The following PCDHGB3 variants were observed in gnomAD, a reference collection of about 807,000 sequenced individuals.
The protein encoded by PCDHGB3 is protocadherin gamma-B3.
In PCDHGB3, 40 loss-of-function variants were observed where a neutral mutation model predicts 59.2. The observed-to-expected ratio is 0.68, with a 90% CI of 0.52 to 0.88. PCDHGB3 has a LOEUF of 0.88. Ranked by LOEUF, PCDHGB3 falls within the 40% of genes least tolerant of loss-of-function variation. The pLI, the probability that PCDHGB3 is intolerant of heterozygous loss-of-function variation, is 0.00. For missense variants in PCDHGB3, 1,309 were observed against 1,187.9 expected, an observed-to-expected ratio of 1.10 and a Z score of -1.50; for synonymous variants, 581 against 503.6, an observed-to-expected ratio of 1.15 and a Z score of -2.06.
chr5:141,427,810 G>A (rs2097074260), intron 1 of PCDHGB3: 1 of 1,523,990 alleles, frequency 6.6e-7, no homozygotes, highest in Non-Finnish European at 9.0e-7. Flanking sequence ...AGCGCACAGA[G>A]CGGGGTGGTG....
chr5:141,489,427 C>G lies in PCDHGB3; in HGVS notation c.2416-5380C>G, dbSNP rs370540900. ...AAAGATGACAGATCTGTTGAGCCGG[C>G]GGCTGCAATTGGGCTCTGAGGAGAA... On this transcript the variant is annotated intron_variant, in intron 1 of 3. Transcript: ENST00000576222. The surrounding 1 kb of genome is among the most constrained non-coding windows in gnomAD (Gnocchi z 4.5). 6.2e-7 allele frequency: 1 copy of G among 1,614,108 alleles called. No homozygotes were observed. Among genetic ancestry groups the G allele is most frequent in the South Asian group, 1.1e-5 (1 of 91,086 alleles).
At position 141,389,005 on chromosome 5, in the gene PCDHGB3, C is replaced by T. The variant is rs757594459; in HGVS notation, c.2415+16196C>T. 81 of 1,613,780 alleles carry T rather than the reference C, an allele frequency of 5.0e-5. No individual in the cohort carries two copies. Among genetic ancestry groups the T allele is most frequent in the Non-Finnish European group, 6.7e-5 (79 of 1,179,858 alleles). On this transcript the variant is annotated intron_variant, in intron 1 of 3. Transcript: ENST00000576222. The stretch of plus-strand genomic sequence containing the variant: ...TTGCTCAAAGTCCGTGACAAGGATT[C>T]CAGACACAATGGAGAAGTGACTTGT...
chr5:141,432,642 C>T lies in PCDHGB3; in HGVS notation c.2415+59833C>T, dbSNP rs746251093. 7.4e-6 allele frequency: 12 copies of T among 1,613,784 alleles called. No individual in the cohort carries two copies. The highest frequency in any genetic ancestry group is 2.7e-5 in the African/African-American group (2 of 75,056). ...GGTCTGCACACGGGCGAGGTGCGCA[C>T]GGCGCGAGCCCTGCTGGACAGAGAC... On this transcript the variant is annotated intron_variant, in intron 1 of 3. Coordinates refer to ENST00000576222, the MANE Select transcript of PCDHGB3 (RefSeq NM_018924.5). This position sits in a 1 kb window ranked among gnomAD's most constrained non-coding sequence, Gnocchi z 6.0.
Position 141,372,061 on chromosome 5 carries a change from A to C in PCDHGB3, c.1667A>C (p.Asn556Thr). 2 of 1,613,572 alleles carry C rather than the reference A, an allele frequency of 1.2e-6. No individual in the cohort carries two copies. The highest frequency in any genetic ancestry group is 1.7e-6 in the Non-Finnish European group (2 of 1,179,808). ...CTGCGCGTGTTGGTGGACGACCGCA[A>C]CGACAATGCACCGCTGGTGCTGTAC... is the stretch of plus-strand genomic sequence containing the variant. ...VSLRVLVDDRNDNAPLVLYPA... is the reference protein window; with the variant it reads ...VSLRVLVDDRTDNAPLVLYPA... Residue 556 changes from asparagine to threonine, a missense_variant, in exon 1 of 4, where the codon AAC becomes ACC. Physicochemically the swap from Asn to Thr is moderately conservative, Grantham distance 65. Transcript: ENST00000576222.
intron 2 of PCDHGB3, among the ~76,000 whole-genome samples, chr5:141,495,700 T>A (rs2099763052): frequency 6.6e-6 from 1 of 152,228 alleles, no homozygotes; most frequent in Non-Finnish European, 1.5e-5. Flanking sequence ...GCTCAATAAA[T>A]GTGGAGTGAG....
At chr5:141,480,205 A>G (rs2099514310) in intron 1 of PCDHGB3, among the ~76,000 whole-genome samples, 1 of 151,108 alleles carries the variant, frequency 6.6e-6, no homozygotes, top group Admixed American at 6.6e-5. Flanking sequence ...GCAGTTCAAG[A>G]CCAGCCTGAG....
chr5:141,431,884 T>A lies in PCDHGB3; in HGVS notation c.2415+59075T>A. ...CCCTTTTAAATGTAAATGACCAAGA[T>A]TCTGAGGAAAACGGACAGGTGATCT... On this transcript the variant is annotated intron_variant, in intron 1 of 3. Transcript: ENST00000576222. This position sits in a 1 kb window ranked among gnomAD's most constrained non-coding sequence, Gnocchi z 4.8. 1.2e-6 allele frequency: 2 copies of A among 1,614,218 alleles called. No individual in the cohort carries two copies. Among genetic ancestry groups the A allele is most frequent in the Non-Finnish European group, 1.7e-6 (2 of 1,180,008 alleles).
intron 3 of PCDHGB3, among the ~76,000 whole-genome samples, chr5:141,510,691 T>C (rs1013489554): frequency 4.6e-5 from 7 of 152,138 alleles, no homozygotes; most frequent in African/African-American, 1.7e-4. Flanking sequence ...GGAGGTTAGG[T>C]AGACTTGCCC....
intron 1 of PCDHGB3, chr5:141,389,566 T>G: frequency 6.2e-7 from 1 of 1,613,278 alleles, no homozygotes; most frequent in Non-Finnish European, 8.5e-7. Context: ...CCACGGGTGC[T>G]GTACCCCGCG....
chr5:141,489,913 A>G lies in PCDHGB3; in HGVS notation c.2416-4894A>G. 1 of 1,614,208 alleles carries G rather than the reference A, an allele frequency of 6.2e-7. No homozygotes were observed. Among genetic ancestry groups the G allele is most frequent in the Non-Finnish European group, 8.5e-7 (1 of 1,180,044 alleles). Reference sequence around the variant, plus strand: ...TGGGGGGACCCCAGCCCGCTCAGGGACCACCCTTATCTCTGTCATCGTGCT... The same window carrying G: ...TGGGGGGACCCCAGCCCGCTCAGGGGCCACCCTTATCTCTGTCATCGTGCT... On this transcript the variant is annotated intron_variant, in intron 1 of 3. Transcript: ENST00000576222. The surrounding 1 kb of genome is among the most constrained non-coding windows in gnomAD (Gnocchi z 4.5).
rs901230493 is a variant in PCDHGB3, at chr5:141,487,514, C to T, written c.2416-7293C>T. 7 of 1,614,150 alleles carry T rather than the reference C, an allele frequency of 4.3e-6. No homozygotes were observed. The highest frequency in any genetic ancestry group is 1.1e-5 in the South Asian group (1 of 91,070). On this transcript the variant is annotated intron_variant, in intron 1 of 3. Transcript: ENST00000576222. The surrounding 1 kb of genome is among the most constrained non-coding windows in gnomAD (Gnocchi z 5.0). Reference sequence around the variant, plus strand: ...TACACCCTTGGCTTCTGCACCCACTCGGAGTGATAGCTTCATGATGGTGAA... The same window carrying T: ...TACACCCTTGGCTTCTGCACCCACTTGGAGTGATAGCTTCATGATGGTGAA...
chr5:141,371,866 T>A lies in PCDHGB3; in HGVS notation c.1472T>A (p.Ile491Asn), dbSNP rs1768128471. ...LGPNGLVSYY[I>N]VASDLEPREL... Reference sequence around the variant, plus strand: ...CCTAATGGCCTTGTCTCCTACTACATCGTGGCCAGTGACCTGGAGCCGCGG... The same window carrying A: ...CCTAATGGCCTTGTCTCCTACTACAACGTGGCCAGTGACCTGGAGCCGCGG... Residue 491 changes from isoleucine (I) to asparagine (N), a missense_variant, in exon 1 of 4, where the codon ATC becomes AAC. Transcript: ENST00000576222. 1 of 1,613,504 alleles carries A rather than the reference T, an allele frequency of 6.2e-7. No homozygotes were observed. Among genetic ancestry groups the A allele is most frequent in the Non-Finnish European group, 8.5e-7 (1 of 1,179,892 alleles).
chr5:141,450,842 T>TTTTTA, intron 1 of PCDHGB3, among the ~76,000 whole-genome samples: 1 of 148,196 alleles, frequency 6.7e-6, no homozygotes, highest in African/African-American at 2.5e-5. Context: ...TTTTTTTTTT[T>TTTTTA]GAGATGGGGT....
At chr5:141,408,188 G>A in intron 1 of PCDHGB3, 6 of 1,543,620 alleles carry the variant, frequency 3.9e-6, no homozygotes, top group Non-Finnish European at 4.4e-6. Flanking sequence ...GACCCAGCGA[G>A]AACCCGAGCG....
intron 1 of PCDHGB3, chr5:141,392,860 T>C (rs726684): frequency 6.2e-7 from 1 of 1,612,118 alleles, no homozygotes; most frequent in Non-Finnish European, 8.5e-7. Flanking sequence ...CTGATCCTGC[T>C]GTGCGCGCTG....
At chr5:141,395,234 T>C in intron 1 of PCDHGB3, 1 of 1,601,772 alleles carries the variant, frequency 6.2e-7, no homozygotes, top group Non-Finnish European at 8.5e-7. Flanking sequence ...CTGATCATGG[T>C]CAGGTGAGTT....
At chr5:141,446,035 A>G (rs1300621298) in intron 1 of PCDHGB3, among the ~76,000 whole-genome samples, 1 of 152,222 alleles carries the variant, frequency 6.6e-6, no homozygotes, top group Non-Finnish European at 1.5e-5. Context: ...CTGGTAAGAA[A>G]TGGAAGAAGA....
At position 141,408,231 on chromosome 5, in the gene PCDHGB3, G is replaced by C. The variant is rs775180708; in HGVS notation, c.2415+35422G>C. 1.0e-5 allele frequency: 16 copies of C among 1,567,976 alleles called. No individual in the cohort carries two copies. The highest frequency in any genetic ancestry group is 1.2e-5 in the Non-Finnish European group (14 of 1,156,162). ...GGAGGGAGCTGCGCGCAGAGGCGCC[G>C]GGCCGGCCCGCGGCAGGTGCTATTT... is the stretch of plus-strand genomic sequence containing the variant. On this transcript the variant is annotated intron_variant, in intron 1 of 3. Transcript: ENST00000576222.
At chr5:141,456,731 G>A (rs1282690673) in intron 1 of PCDHGB3, among the ~76,000 whole-genome samples, 1 of 152,214 alleles carries the variant, frequency 6.6e-6, no homozygotes, top group Non-Finnish European at 1.5e-5. Flanking sequence ...TTGGGAGGCT[G>A]AGGCGGGAGC....
Sources: gnomAD v4.1 joint callset for allele counts (sites outside exome capture counted in the v4.1 genomes callset) on GRCh38, gnomAD v4.1.1 for gene constraint, Gnocchi (gnomAD v3.1) non-coding constraint, MANE v1.5 for transcripts, NCBI Gene and HGNC (gene_info 2026-07-23, HGNC 2026-07-21) for gene names.